Variants in NRG3 observed in about 807,000 individuals in gnomAD.
NRG3 encodes neuregulin 3, also known as pro-neuregulin-3, membrane-bound isoform.
A neutral mutation model predicts 66.9 loss-of-function variants in NRG3; 31 were observed. The ratio of observed to expected loss-of-function variants is 0.46; its 90% CI spans 0.35 to 0.63. The LOEUF is 0.63. NRG3 is among the 20% of genes least tolerant of loss of function. NRG3 has a pLI of 0.00. For synonymous variants in NRG3, 393 were observed against 359.4 expected (o/e 1.09, Z -1.06); for missense variants, 910 against 878.9 (o/e 1.04, Z -0.45).
At chr10:82,900,206 C>A (rs753997356) in intron 4 of NRG3, among the ~76,000 whole-genome samples, 5 of 152,142 alleles carry the variant, frequency 3.3e-5, no homozygotes, top group Non-Finnish European at 7.4e-5. Flanking sequence ...CATGAGGGAT[C>A]CCCTGCCATG....
intron 2 of NRG3, among the ~76,000 whole-genome samples, chr10:82,530,065 G>A (rs1401507118): frequency 6.6e-6 from 1 of 152,106 alleles, no homozygotes; most frequent in Non-Finnish European, 1.5e-5. Flanking sequence ...TAAAAGTTTA[G>A]GGAGTTCATT....
At chr10:82,482,512 G>A (rs1842358174) in intron 2 of NRG3, among the ~76,000 whole-genome samples, 2 of 152,170 alleles carry the variant, frequency 1.3e-5, no homozygotes, top group Non-Finnish European at 2.9e-5. Flanking sequence ...GGAGTACGGG[G>A]ACTTGGGAGA....
At chr10:82,960,504 A>G (rs1252642934) in intron 6 of NRG3, among the ~76,000 whole-genome samples, 1 of 146,646 alleles carries the variant, frequency 6.8e-6, no homozygotes, top group Non-Finnish European at 1.5e-5. Context: ...AAGTAAAATT[A>G]TATTTGTTTG....
chr10:82,445,169 C>T (rs1463948939), intron 2 of NRG3, among the ~76,000 whole-genome samples: 1 of 151,380 alleles, frequency 6.6e-6, no homozygotes, highest in Non-Finnish European at 1.5e-5. Context: ...TATAACTTCT[C>T]CCAGAATGAC....
At chr10:82,675,907 C>T (rs1420180025) in intron 2 of NRG3, among the ~76,000 whole-genome samples, 1 of 152,168 alleles carries the variant, frequency 6.6e-6, no homozygotes, top group Admixed American at 6.5e-5. Flanking sequence ...ATCTACATAA[C>T]TAGGCAAGAA....
chr10:82,699,637 C>A (rs551466097), intron 2 of NRG3, among the ~76,000 whole-genome samples: 1 of 151,964 alleles, frequency 6.6e-6, no homozygotes, highest in Non-Finnish European at 1.5e-5. Context: ...TGAGCAGATG[C>A]GCCCTACTTG....
At chr10:82,572,279 T>C (rs2045782055) in intron 2 of NRG3, among the ~76,000 whole-genome samples, 1 of 151,696 alleles carries the variant, frequency 6.6e-6, no homozygotes, top group Admixed American at 6.6e-5. Context: ...CTAATTCTGC[T>C]ATCAGGAAGT....
chr10:81,918,974 A>AACACACACACACAC lies in NRG3; in HGVS notation c.823+42819_823+42832dup, dbSNP rs542060517. 1.7e-4 allele frequency among the ~76,000 whole-genome samples: 25 copies of AACACACACACACAC among 150,170 alleles called. 1 individual carries two copies. The highest frequency in any genetic ancestry group is 4.9e-4 in the African/African-American group (20 of 40,884). ...ATTAACTACTATTGCATCATAACAA[A>AACACACACACACAC]ACACACACACACACACACACATACA... On this transcript the variant is annotated intron_variant, in intron 1 of 8. Transcript: ENST00000372141.
At chr10:82,438,012 A>T (rs139928033) in intron 2 of NRG3, among the ~76,000 whole-genome samples, 1,547 of 152,244 alleles carry the variant, frequency 0.01, 17 homozygotes, top group Non-Finnish European at 0.016. Flanking sequence ...ACCCTGTTGG[A>T]GGGTCTCACC....
intron 1 of NRG3, among the ~76,000 whole-genome samples, chr10:82,356,968 C>T (rs1297255676): frequency 6.6e-6 from 1 of 152,112 alleles, no homozygotes; most frequent in Non-Finnish European, 1.5e-5. Context: ...TGCAGGCCCT[C>T]AAGGACCTTA....
At chr10:82,027,464 T>G (rs2132835841) in intron 1 of NRG3, among the ~76,000 whole-genome samples, 1 of 152,234 alleles carries the variant, frequency 6.6e-6, no homozygotes, top group African/African-American at 2.4e-5. Flanking sequence ...AGAATGAATT[T>G]AAGGCTTATT....
At chr10:82,805,457 A>G (rs2061238332) in intron 3 of NRG3, among the ~76,000 whole-genome samples, 1 of 151,814 alleles carries the variant, frequency 6.6e-6, no homozygotes, top group South Asian at 2.1e-4. Flanking sequence ...TTATTTATTT[A>G]TTTATATTTT....
At chr10:82,633,699 C>G (rs765827938) in intron 2 of NRG3, among the ~76,000 whole-genome samples, 1 of 152,120 alleles carries the variant, frequency 6.6e-6, no homozygotes, top group Non-Finnish European at 1.5e-5. Context: ...TCTGTTCCAG[C>G]GAGCTCTGTT....
intron 2 of NRG3, among the ~76,000 whole-genome samples, chr10:82,459,920 G>A (rs921445266): frequency 1.4e-4 from 21 of 152,122 alleles, no homozygotes; most frequent in African/African-American, 4.3e-4. Flanking sequence ...AGTATGATAC[G>A]GAATACAAAA....
chr10:82,478,061 A>G (rs2132117604), intron 2 of NRG3, among the ~76,000 whole-genome samples: 1 of 152,296 alleles, frequency 6.6e-6, no homozygotes, highest in South Asian at 2.1e-4. Flanking sequence ...AATTAGTCTG[A>G]AAGTAATAAC....
intron 2 of NRG3, among the ~76,000 whole-genome samples, chr10:82,408,191 T>C (rs1475534733): frequency 6.6e-6 from 1 of 151,616 alleles, no homozygotes; most frequent in Non-Finnish European, 1.5e-5. Flanking sequence ...CGAAGGAAAC[T>C]AATAAGATGT....
intron 7 of NRG3, among the ~76,000 whole-genome samples, chr10:82,976,892 G>T (rs967580290): frequency 6.6e-6 from 1 of 152,060 alleles, no homozygotes; most frequent in African/African-American, 2.4e-5. Flanking sequence ...CCCTCTCCTT[G>T]TCCCTTAAGT....
intron 1 of NRG3, among the ~76,000 whole-genome samples, chr10:81,908,889 G>C (rs1175446075): frequency 6.6e-6 from 1 of 152,160 alleles, no homozygotes; most frequent in Non-Finnish European, 1.5e-5. Context: ...ATGATGATGA[G>C]AGAGGTGGTG....
chr10:82,610,332 G>A (rs1428633184), intron 2 of NRG3, among the ~76,000 whole-genome samples: 13 of 116,242 alleles, frequency 1.1e-4, no homozygotes, highest in South Asian at 2.5e-4. Flanking sequence ...TATTCACACC[G>A]GTTTCAGGGA....
Sources: gnomAD v4.1 joint callset for allele counts (sites outside exome capture counted in the v4.1 genomes callset) on GRCh38, gnomAD v4.1.1 for gene constraint, MANE v1.5 for transcripts, NCBI Gene and HGNC (gene_info 2026-07-23, HGNC 2026-07-21) for gene names.